The following CCDC178 variants were observed in gnomAD, a reference collection of about 807,000 sequenced individuals.
The protein encoded by CCDC178 is coiled-coil domain-containing protein 178.
Under a neutral mutation model 117.4 loss-of-function variants are expected in CCDC178, and 126 were observed. That is an observed-to-expected ratio of 1.07 (90% CI 0.93 to 1.24). The LOEUF (loss-of-function observed/expected upper bound fraction) is 1.24. Ranked by LOEUF, CCDC178 falls within the 50% of genes most tolerant of loss-of-function variation. The pLI is 0.00. For missense variants in CCDC178, 1,030 were observed against 986.9 expected (o/e 1.04, Z -0.59); for synonymous variants, 283 against 313.4 (o/e 0.90, Z 1.02).
chr18:33,305,944 G>A (rs2062242079), intron 11 of CCDC178, among the ~76,000 whole-genome samples: 2 of 152,152 alleles, frequency 1.3e-5, no homozygotes, highest in Admixed American at 6.5e-5. Flanking sequence ...CCTTCAAGAA[G>A]ACACCAGGGA....
chr18:33,008,757 T>A (rs1018589215), intron 21 of CCDC178, among the ~76,000 whole-genome samples: 1 of 152,072 alleles, frequency 6.6e-6, no homozygotes, highest in African/African-American at 2.4e-5. Context: ...AGGTCATCAA[T>A]GATTTCTTCT....
chr18:33,105,885 A>C (rs2057698454), intron 20 of CCDC178, among the ~76,000 whole-genome samples: 1 of 151,784 alleles, frequency 6.6e-6, no homozygotes, highest in South Asian at 2.1e-4. Context: ...CAAAAAAAAA[A>C]GTAAGACAGT....
chr18:33,356,554 G>T (rs941604117), intron 6 of CCDC178, among the ~76,000 whole-genome samples: 1 of 151,540 alleles, frequency 6.6e-6, no homozygotes, highest in Non-Finnish European at 1.5e-5. Flanking sequence ...TTGGCCAAGG[G>T]GACCCCAAAG....
chr18:33,207,142 G>A (rs459544), intron 20 of CCDC178, among the ~76,000 whole-genome samples: 24,490 of 152,046 alleles, frequency 0.16, 2,753 homozygotes, highest in African/African-American at 0.32. Context: ...TGATAGTATC[G>A]TGAGAGAATG....
At chr18:33,215,850 G>C (rs888573360) in intron 18 of CCDC178, among the ~76,000 whole-genome samples, 155 bp from the exon 19 acceptor site, 3 of 152,018 alleles carry the variant, frequency 2.0e-5, no homozygotes, top group Admixed American at 2.0e-4. Flanking sequence ...ACTTTGGGAA[G>C]TCAAAGCAGG....
At chr18:33,432,260 T>C (rs1241469764) in intron 2 of CCDC178, among the ~76,000 whole-genome samples, 1 of 152,110 alleles carries the variant, frequency 6.6e-6, no homozygotes, top group Non-Finnish European at 1.5e-5. Context: ...ACCACAGAAT[T>C]GGAATTTAGT....
intron 20 of CCDC178, among the ~76,000 whole-genome samples, chr18:33,155,722 G>A (rs924335075): frequency 2.6e-5 from 4 of 152,126 alleles, no homozygotes; most frequent in Admixed American, 1.3e-4. Flanking sequence ...TTAAAGAGAG[G>A]ATGATCTGTA....
intron 20 of CCDC178, among the ~76,000 whole-genome samples, chr18:33,156,399 C>A (rs458513): frequency 6.6e-6 from 1 of 150,492 alleles, no homozygotes; most frequent in African/African-American, 2.4e-5. Context: ...AAAACGTTTT[C>A]TTTTAAACAA....
At chr18:33,368,931 A>G (rs1477468773) in intron 6 of CCDC178, among the ~76,000 whole-genome samples, 1 of 151,948 alleles carries the variant, frequency 6.6e-6, no homozygotes, top group African/African-American at 2.4e-5. Context: ...ATTATTTATT[A>G]AAATACCTAT....
chr18:32,996,911 C>T (rs2055522887), intron 21 of CCDC178, among the ~76,000 whole-genome samples: 1 of 151,828 alleles, frequency 6.6e-6, no homozygotes, highest in Admixed American at 6.6e-5. Flanking sequence ...GAATGAATGG[C>T]AGAAATGCAT....
At chr18:33,306,731 G>T (rs2069132161) in intron 11 of CCDC178, among the ~76,000 whole-genome samples, 1 of 151,582 alleles carries the variant, frequency 6.6e-6, no homozygotes, top group African/African-American at 2.4e-5. Context: ...TAATTGATAA[G>T]ATTTGGCTGT....
At chr18:33,286,641 TG>T (rs1202321479) in intron 12 of CCDC178, among the ~76,000 whole-genome samples, 2 of 152,122 alleles carry the variant, frequency 1.3e-5, no homozygotes, top group Non-Finnish European at 2.9e-5. Context: ...TAGATTTCTA[TG>T]AAAAACAATA....
At chr18:33,232,981 TTA>T (rs1161990213) in intron 15 of CCDC178, among the ~76,000 whole-genome samples, 3 of 152,174 alleles carry the variant, frequency 2.0e-5, no homozygotes, top group Non-Finnish European at 2.9e-5. Flanking sequence ...AAATTTCCTA[TTA>T]TATGTTATTA....
chr18:33,223,280 C>T (rs2144626065), intron 17 of CCDC178, 61 bp from the exon 18 acceptor site: 1 of 1,477,956 alleles, frequency 6.8e-7, no homozygotes, highest in Non-Finnish European at 9.0e-7. Flanking sequence ...CTCATTTAGG[C>T]CAAATCGTAC....
chr18:33,189,220 G>T (rs1160776267), intron 20 of CCDC178, among the ~76,000 whole-genome samples: 3 of 152,156 alleles, frequency 2.0e-5, no homozygotes, highest in Admixed American at 2.0e-4. Flanking sequence ...TGGAAATGAA[G>T]ATTTGTGTCA....
intron 12 of CCDC178, among the ~76,000 whole-genome samples, 190 bp from the exon 13 acceptor site, chr18:33,267,487 T>C (rs2059833415): frequency 6.6e-6 from 1 of 151,744 alleles, no homozygotes; most frequent in Non-Finnish European, 1.5e-5. Flanking sequence ...GCTAACACTT[T>C]GCAAAACAGT....
At chr18:33,361,220 A>G (rs566013999) in intron 6 of CCDC178, among the ~76,000 whole-genome samples, 2 of 151,810 alleles carry the variant, frequency 1.3e-5, no homozygotes, top group Non-Finnish European at 3.0e-5. Context: ...TGACAAAGGC[A>G]TCAAAAGGAC....
Position 33,067,300 on chromosome 18 carries a change from A to G in CCDC178, c.2388+25461T>C, listed in dbSNP as rs540248784. Among the ~76,000 whole-genome samples the G allele has an allele frequency of 6.4e-4, 97 of 152,304 alleles. 1 individual carries two copies. Among genetic ancestry groups the G allele is most frequent in the African/African-American group, 2.3e-3 (94 of 41,570 alleles). On this transcript the variant is annotated intron_variant, in intron 21 of 22. Transcript: ENST00000383096. Reference sequence around the variant, plus strand: ...AAGACAGATGTCAAAAAATCTCCTAAAACAAATGAAAATTAAAATACAACA... The same window carrying G: ...AAGACAGATGTCAAAAAATCTCCTAGAACAAATGAAAATTAAAATACAACA...
chr18:33,110,246 C>A (rs886247737), intron 20 of CCDC178, among the ~76,000 whole-genome samples: 2 of 151,422 alleles, frequency 1.3e-5, no homozygotes, highest in Non-Finnish European at 3.0e-5. Flanking sequence ...CTTATGCTGC[C>A]TGTCTTTATT....
Sources: allele counts gnomAD v4.1 joint callset (sites outside exome capture counted in the v4.1 genomes callset), GRCh38; gene constraint gnomAD v4.1.1; transcripts MANE v1.5; gene names NCBI Gene and HGNC (gene_info 2026-07-23, HGNC 2026-07-21).